Variants in GALNTL6 observed in about 807,000 individuals in gnomAD.
GALNTL6 encodes the protein polypeptide N-acetylgalactosaminyltransferase like 6, also known as polypeptide N-acetylgalactosaminyltransferase-like 6.
In GALNTL6, 46 loss-of-function variants were observed where a neutral mutation model predicts 73.7. The observed-to-expected ratio is 0.62, with a 90% CI of 0.49 to 0.80. The LOEUF is 0.80. GALNTL6 is among the 30% of genes least tolerant of loss of function. The pLI is 0.00. For missense variants in GALNTL6, 604 were observed against 755.0 expected, an observed-to-expected ratio of 0.80 and a Z score of 2.34; for synonymous variants, 259 against 263.7, an observed-to-expected ratio of 0.98 and a Z score of 0.17.
chr4:172,189,417 C>A (rs1735506386), intron 2 of GALNTL6, among the ~76,000 whole-genome samples: 2 of 152,070 alleles, frequency 1.3e-5, no homozygotes, highest in South Asian at 4.1e-4. Flanking sequence ...CTTTTGTATT[C>A]TCAGAAACCC....
At chr4:171,961,821 G>A (rs1392088502) in intron 2 of GALNTL6, among the ~76,000 whole-genome samples, 1 of 152,144 alleles carries the variant, frequency 6.6e-6, no homozygotes, top group Non-Finnish European at 1.5e-5. Context: ...ATTGGAACCA[G>A]CTAGCAACCC....
intron 2 of GALNTL6, among the ~76,000 whole-genome samples, chr4:171,923,229 C>A (rs180851339): frequency 6.6e-5 from 10 of 152,108 alleles, no homozygotes; most frequent in Admixed American, 5.2e-4. Context: ...CATAATAATT[C>A]TTTTTCTTGA....
chr4:172,448,856 A>T (rs952045473), intron 5 of GALNTL6, among the ~76,000 whole-genome samples: 3 of 152,114 alleles, frequency 2.0e-5, no homozygotes, highest in Non-Finnish European at 4.4e-5. Context: ...AATTGTTAGG[A>T]GTGACAACCT....
At position 172,440,658 on chromosome 4, in the gene GALNTL6, C is replaced by T. The variant is rs541787395; in HGVS notation, c.553+91969C>T. Among the ~76,000 whole-genome samples the T allele has an allele frequency of 2.2e-3, 331 of 152,238 alleles. 1 individual carries two copies. Among genetic ancestry groups the T allele is most frequent in the Non-Finnish European group, 3.8e-3 (256 of 68,014 alleles). ...GTCAACGTAGATTCATCAGTTAAAACGAATGTACCACTCTGGTAGAACATG... is the reference window on the plus strand; with the variant it reads ...GTCAACGTAGATTCATCAGTTAAAATGAATGTACCACTCTGGTAGAACATG... On this transcript the variant is annotated intron_variant, in intron 5 of 12. Coordinates refer to ENST00000506823, the MANE Select transcript of GALNTL6 (RefSeq NM_001034845.3).
intron 2 of GALNTL6, among the ~76,000 whole-genome samples, chr4:172,080,779 C>T (rs1731855962): frequency 6.6e-6 from 1 of 151,506 alleles, no homozygotes; most frequent in Non-Finnish European, 1.5e-5. Flanking sequence ...TTTTATAGTG[C>T]ATGAAATATT....
chr4:171,962,381 T>G (rs1370676579), intron 2 of GALNTL6, among the ~76,000 whole-genome samples: 1 of 152,126 alleles, frequency 6.6e-6, no homozygotes, highest in African/African-American at 2.4e-5. Context: ...CACAAAGACA[T>G]GGCTGATAAA....
intron 5 of GALNTL6, among the ~76,000 whole-genome samples, chr4:172,584,696 A>C (rs1430088239): frequency 6.6e-6 from 1 of 152,210 alleles, no homozygotes; most frequent in African/African-American, 2.4e-5. Flanking sequence ...GGGAGGAGGA[A>C]GAATGAATTC....
chr4:171,858,074 TG>T (rs1379899498), intron 2 of GALNTL6, among the ~76,000 whole-genome samples: 2 of 152,156 alleles, frequency 1.3e-5, no homozygotes, highest in African/African-American at 4.8e-5. Context: ...TAGAGATACT[TG>T]GGATTTTGTT....
At chr4:171,859,085 T>C (rs1240094598) in intron 2 of GALNTL6, among the ~76,000 whole-genome samples, 2 of 152,166 alleles carry the variant, frequency 1.3e-5, no homozygotes, top group Non-Finnish European at 2.9e-5. Context: ...AACTTTAATT[T>C]TGAGAATACC....
intron 5 of GALNTL6, among the ~76,000 whole-genome samples, chr4:172,705,081 T>A (rs539615419): frequency 6.6e-6 from 1 of 151,934 alleles, no homozygotes; most frequent in East Asian, 1.9e-4. Context: ...TCTTTATAGA[T>A]GAATTTCTTA....
chr4:172,619,983 C>T (rs1314858919), intron 5 of GALNTL6, among the ~76,000 whole-genome samples: 1 of 152,208 alleles, frequency 6.6e-6, no homozygotes, highest in African/African-American at 2.4e-5. Context: ...TAGTTGCAAA[C>T]ATGTCACATG....
intron 2 of GALNTL6, among the ~76,000 whole-genome samples, chr4:171,929,384 T>C (rs1304092323): frequency 6.6e-6 from 1 of 152,096 alleles, no homozygotes; most frequent in Non-Finnish European, 1.5e-5. Flanking sequence ...ACATAAAAGG[T>C]CTTACAATCG....
chr4:172,867,359 G>C lies in GALNTL6; in HGVS notation c.924-15431G>C, dbSNP rs576878824. Among the ~76,000 whole-genome samples, 5 of 152,294 alleles carry C rather than the reference G, an allele frequency of 3.3e-5. No homozygotes were observed. The East Asian group carries it at 9.6e-4, about 29-fold the overall frequency. ...AGTAGATGCTAAGTAGGTGTTTGTG[G>C]TTTTAGAGGACAGAGGTGGGACATC... On this transcript the variant is annotated intron_variant, in intron 7 of 12. Transcript: ENST00000506823.
intron 5 of GALNTL6, among the ~76,000 whole-genome samples, chr4:172,464,103 A>T (rs934140437): frequency 2.0e-5 from 3 of 151,642 alleles, no homozygotes; most frequent in African/African-American, 7.3e-5. Flanking sequence ...GTCTTGCTAC[A>T]TTGGCTGGGT....
At chr4:172,875,057 C>G (rs144345949) in intron 7 of GALNTL6, among the ~76,000 whole-genome samples, 1 of 152,078 alleles carries the variant, frequency 6.6e-6, no homozygotes, top group East Asian at 1.9e-4. Flanking sequence ...GAGAAAAGCA[C>G]GAGCAGACTT....
intron 5 of GALNTL6, among the ~76,000 whole-genome samples, chr4:172,690,356 C>A (rs148546246): frequency 4.6e-4 from 70 of 152,284 alleles, no homozygotes; most frequent in African/African-American, 1.6e-3. Context: ...TGTCTCAATT[C>A]ATTTAACCAA....
At chr4:172,168,136 C>T (rs748183968) in intron 2 of GALNTL6, among the ~76,000 whole-genome samples, 5 of 152,172 alleles carry the variant, frequency 3.3e-5, no homozygotes, top group Non-Finnish European at 5.9e-5. Flanking sequence ...TACAAGCCAA[C>T]CCTAATTAGT....
At chr4:172,931,349 T>C (rs1748328547) in intron 9 of GALNTL6, 81 bp downstream of exon 9, 2 of 827,814 alleles carry the variant, frequency 2.4e-6, no homozygotes, top group Non-Finnish European at 4.3e-6. Context: ...CATGGCACAG[T>C]CTGAGAAAAG....
chr4:172,902,819 G>A (rs943032331), intron 8 of GALNTL6, among the ~76,000 whole-genome samples: 7 of 152,132 alleles, frequency 4.6e-5, no homozygotes, highest in African/African-American at 1.2e-4. Flanking sequence ...TATCAGTCAC[G>A]AATTCATTCA....
Sources: gnomAD v4.1 joint callset for allele counts (sites outside exome capture counted in the v4.1 genomes callset) on GRCh38, gnomAD v4.1.1 for gene constraint, MANE v1.5 for transcripts, NCBI Gene and HGNC (gene_info 2026-07-23, HGNC 2026-07-21) for gene names.